The following AFG3L2 variants were observed in gnomAD, a reference collection of about 807,000 sequenced individuals.
AFG3L2 encodes mitochondrial inner membrane m-AAA protease component AFG3L2.
In AFG3L2, 54 loss-of-function variants were observed where a neutral mutation model predicts 94.5. The ratio of observed to expected loss-of-function variants is 0.57; its 90% CI spans 0.46 to 0.72. AFG3L2 has a LOEUF of 0.72. AFG3L2 is among the 30% of genes least tolerant of loss of function. The pLI, the probability that AFG3L2 is intolerant of heterozygous loss-of-function variation, is 0.00. For synonymous variants in AFG3L2, 377 were observed against 365.5 expected, an observed-to-expected ratio of 1.03 and a Z score of -0.36; for missense variants, 754 against 994.9, an observed-to-expected ratio of 0.76 and a Z score of 3.26.
chr18:12,330,405 A>C (rs751691712), intron 16 of AFG3L2, among the ~76,000 whole-genome samples: 7 of 152,190 alleles, frequency 4.6e-5, no homozygotes, highest in Non-Finnish European at 1.0e-4. Flanking sequence ...TCAATTAAAA[A>C]AACAAGATGT....
rs77658783 is a variant in AFG3L2 at position 12,366,886 on chromosome 18, C to T, written c.552+79G>A. Reference sequence around the variant, plus strand: ...ACAATGGACGAGCCAGGTTAACCTGCTGACTGTCACTTCTTTGGTCTAATC... The same window carrying T: ...ACAATGGACGAGCCAGGTTAACCTGTTGACTGTCACTTCTTTGGTCTAATC... On this transcript the variant is annotated intron_variant, in intron 5 of 16. Transcript: ENST00000269143. 1,553 of 1,568,434 alleles carry T rather than the reference C, an allele frequency of 9.9e-4. 2 individuals carry two copies. Among genetic ancestry groups the T allele is most frequent in the Admixed American group, 1.8e-3 (106 of 59,940 alleles).
At position 12,371,693 on chromosome 18, in the gene AFG3L2, T is replaced by C; in HGVS notation, c.115-2A>G. 6.2e-7 allele frequency: 1 copy of C among 1,612,674 alleles called. No individual in the cohort carries two copies. Among genetic ancestry groups the C allele is most frequent in the East Asian group, 2.2e-5 (1 of 44,846 alleles). Reference sequence around the variant, plus strand: ...TTGAGTTGTAACAAATCGGTAAAGCTGCAACAAGACATAAAAATAAAACCA... The same window carrying C: ...TTGAGTTGTAACAAATCGGTAAAGCCGCAACAAGACATAAAAATAAAACCA... On this transcript the variant is annotated splice_acceptor_variant, in intron 1 of 16. Transcript: ENST00000269143. LOFTEE classifies it high-confidence loss of function.
chr18:12,377,222 G>C lies in AFG3L2; in HGVS notation c.-140C>G, dbSNP rs1408952657. Reference sequence around the variant, plus strand: ...GCCGGCGGCTCACGGAGGAGCCCAAGCTCTCAACGCGGCGTCTCCTGCCGC... The same window carrying C: ...GCCGGCGGCTCACGGAGGAGCCCAACCTCTCAACGCGGCGTCTCCTGCCGC... On this transcript the variant is annotated 5_prime_UTR_variant, in exon 1 of 17. Coordinates refer to ENST00000269143, the MANE Select transcript of AFG3L2 (RefSeq NM_006796.3). The C allele has an allele frequency of 4.5e-6, 3 of 671,726 alleles. No homozygotes were observed. Among genetic ancestry groups the C allele is most frequent in the South Asian group, 1.6e-5 (1 of 62,184 alleles). The allele number at this position is 671,726 out of a possible 1,614,324, so 41.6% of individuals were successfully genotyped here.
chr18:12,330,926 A>G (rs1005018173), intron 16 of AFG3L2, among the ~76,000 whole-genome samples: 16 of 152,222 alleles, frequency 1.1e-4, no homozygotes, highest in Non-Finnish European at 2.1e-4. Flanking sequence ...ATAAACAGCC[A>G]ACCAGCCAAC....
In AFG3L2 at chr18:12,351,296, A is replaced by T. The variant is rs761212062; in HGVS notation, c.1426+10T>A. ...GAGCACTGGACCTGCCCCAGCAAAC[A>T]TCATCTCACCAATAAAGATCTGCCT... On this transcript the variant is annotated intron_variant, in intron 11 of 16. Transcript: ENST00000269143. 12 of 1,614,004 alleles carry T rather than the reference A, an allele frequency of 7.4e-6. No individual in the cohort carries two copies. In the Admixed American group the frequency reaches 2.0e-4, roughly 27 times the overall value.
chr18:12,351,346 C>A lies in AFG3L2; in HGVS notation c.1386G>T (p.Ala462=). Residue 462 remains alanine, a synonymous_variant, in exon 11 of 17, where the codon GCG becomes GCT. Transcript: ENST00000269143. ...TGTCGAAACGCCCCGGCCTAAGCAG[C>A]GCGGGGTCCAGGATATCTGGTCGAT... ...GTNRPDILDP[A]LLRPGRFDRQ... 6.2e-7 allele frequency: 1 copy of A among 1,614,132 alleles called. No individual in the cohort carries two copies. The highest frequency in any genetic ancestry group is 8.5e-7 in the Non-Finnish European group (1 of 1,180,024).
chr18:12,372,422 T>C (rs1162694108), intron 1 of AFG3L2, among the ~76,000 whole-genome samples: 2 of 152,236 alleles, frequency 1.3e-5, no homozygotes, highest in African/African-American at 4.8e-5. Flanking sequence ...ACTGGAGCCC[T>C]GTACACTGTG....
In AFG3L2 at chr18:12,377,219, CA is replaced by C. The variant is rs1568149652; in HGVS notation, c.-138del. On this transcript the variant is annotated 5_prime_UTR_variant, in exon 1 of 17. Coordinates refer to ENST00000269143, the MANE Select transcript of AFG3L2 (RefSeq NM_006796.3). ...CGCGCCGGCGGCTCACGGAGGAGCC[CA>C]AGCTCTCAACGCGGCGTCTCCTGCC... 4.4e-6 allele frequency: 3 copies of C among 688,886 alleles called. No individual in the cohort carries two copies. The African/African-American group carries it at 5.8e-5, about 13-fold the overall frequency. 42.7% of individuals were successfully genotyped at this position (688,886 alleles called of 1,614,324 possible).
At chr18:12,361,658 A>C (rs956461260) in intron 6 of AFG3L2, among the ~76,000 whole-genome samples, 1 of 152,180 alleles carries the variant, frequency 6.6e-6, no homozygotes, top group Non-Finnish European at 1.5e-5. Context: ...AAAAACAAAC[A>C]AAAAAACAAA....
chr18:12,339,309 T>C (rs1158446611), intron 15 of AFG3L2, among the ~76,000 whole-genome samples: 1 of 149,924 alleles, frequency 6.7e-6, no homozygotes, highest in Non-Finnish European at 1.5e-5. Context: ...TCCCAGTGCT[T>C]TGAGAGGCCG....
chr18:12,340,503 A>C (rs1208031383), intron 14 of AFG3L2, 102 bp from the exon 15 acceptor site: 33 of 906,280 alleles, frequency 3.6e-5, no homozygotes, highest in African/African-American at 1.6e-5. Flanking sequence ...AATAAGCACA[A>C]CAGCCGCACA....
At chr18:12,357,096 T>C (rs1908519948) in intron 8 of AFG3L2, among the ~76,000 whole-genome samples, 1 of 152,226 alleles carries the variant, frequency 6.6e-6, no homozygotes, top group Non-Finnish European at 1.5e-5. Flanking sequence ...TTTAGACCTT[T>C]AGTCTAACAG....
intron 15 of AFG3L2, among the ~76,000 whole-genome samples, chr18:12,337,780 T>C (rs577237957): frequency 6.6e-6 from 1 of 150,588 alleles, no homozygotes; most frequent in African/African-American, 2.4e-5. Context: ...ATTTCTCTCT[T>C]TTTTTTTTAG....
chr18:12,335,946 G>A (rs1017173025), intron 16 of AFG3L2, among the ~76,000 whole-genome samples: 1 of 152,240 alleles, frequency 6.6e-6, no homozygotes, highest in Non-Finnish European at 1.5e-5. Flanking sequence ...CTTGCTGATT[G>A]AACAGCATAA....
In AFG3L2 at chr18:12,376,960, A is replaced by G. The variant is rs1243439201; in HGVS notation, c.114+9T>C. The G allele has an allele frequency of 1.4e-6, 2 of 1,449,870 alleles. No homozygotes were observed. Among genetic ancestry groups the G allele is most frequent in the Admixed American group, 2.5e-5 (1 of 40,800 alleles). The allele number at this position is 1,449,870 out of a possible 1,614,324, so 89.8% of individuals were successfully genotyped here. A position where few individuals can be genotyped will look rare whatever the true frequency, so the allele number is the denominator to read the frequency against. ...GGTGGAGGGCGCCGGGCGCCCAGGT[A>G]GGACTCACCGTCCGGAGGCAGGGCT... is the stretch of plus-strand genomic sequence containing the variant. On this transcript the variant is annotated intron_variant, in intron 1 of 16. Transcript: ENST00000269143.
chr18:12,328,958 TACAGTGTTG>T lies in AFG3L2; in HGVS notation c.*598_*606del. ...GGGACCCTATGTGTGTTCAGAAAAG[TACAGTGTTG>T]ACATTTTATTTTTTATGTAAAGAAG... On this transcript the variant is annotated 3_prime_UTR_variant, in exon 17 of 17. Coordinates refer to ENST00000269143, the MANE Select transcript of AFG3L2 (RefSeq NM_006796.3). 1.8e-6 allele frequency: 1 copy of T among 559,054 alleles called. No homozygotes were observed. Among genetic ancestry groups the T allele is most frequent in the Non-Finnish European group, 3.2e-6 (1 of 314,394 alleles). The allele number at this position is 559,054 out of a possible 1,614,324, so 34.6% of individuals were successfully genotyped here.
Position 12,351,735 on chromosome 18 carries a change from T to C in AFG3L2, c.1319-322A>G, listed in dbSNP as rs140558929. ...CTAATTTTTGTATTTTTAGTAGAGA[T>C]AGGGTTTCTCCATGTTGGTCAGGCT... On this transcript the variant is annotated intron_variant, in intron 10 of 16. Coordinates refer to ENST00000269143, the MANE Select transcript of AFG3L2 (RefSeq NM_006796.3). Among the ~76,000 whole-genome samples the C allele has an allele frequency of 9.7e-4, 147 of 151,828 alleles. 1 individual carries two copies. Among genetic ancestry groups the C allele is most frequent in the African/African-American group, 3.4e-3 (143 of 41,482 alleles).
chr18:12,355,728 G>C (rs955298576), intron 9 of AFG3L2, among the ~76,000 whole-genome samples: 1 of 151,664 alleles, frequency 6.6e-6, no homozygotes, highest in Non-Finnish European at 1.5e-5. Context: ...GAGTGCAGTG[G>C]CGTGATCTCA....
chr18:12,343,952 C>T, intron 14 of AFG3L2, 180 bp downstream of exon 14: 1 of 636,158 alleles, frequency 1.6e-6, no homozygotes, highest in Non-Finnish European at 2.8e-6. Flanking sequence ...ATTTTCTGTC[C>T]AAATTTTATA....
Sources: gnomAD v4.1 joint callset for allele counts (sites outside exome capture counted in the v4.1 genomes callset) on GRCh38, gnomAD v4.1.1 for gene constraint, MANE v1.5 for transcripts, NCBI Gene and HGNC (gene_info 2026-07-23, HGNC 2026-07-21) for gene names.